Variants in PTPRS observed in about 807,000 individuals in gnomAD.
The protein encoded by PTPRS is protein tyrosine phosphatase receptor type S.
In PTPRS, 63 loss-of-function variants were observed where a neutral mutation model predicts 215.3. That is an observed-to-expected ratio of 0.29 (90% CI 0.24 to 0.36). PTPRS has a LOEUF of 0.36. PTPRS is among the 10% of genes least tolerant of loss of function. PTPRS has a pLI of 1.00. For synonymous variants in PTPRS, 1,404 were observed against 1,191.4 expected (o/e 1.18, Z -3.68); for missense variants, 2,258 against 2,825.8 (o/e 0.80, Z 4.56).
intron 11 of PTPRS, among the ~76,000 whole-genome samples, chr19:5,242,109 C>T (rs1474831972): frequency 6.6e-6 from 1 of 152,240 alleles, no homozygotes; most frequent in Non-Finnish European, 1.5e-5. Context: ...GCTGGGATTA[C>T]AGGCGTGGGC....
intron 2 of PTPRS, chr19:5,278,241 C>G (rs1054496274): frequency 2.5e-6 from 1 of 392,506 alleles, no homozygotes; most frequent in Non-Finnish European, 4.7e-6. Context: ...TTGTTTCAGA[C>G]AGGGACTCGC....
At chr19:5,207,685 C>A (rs1354070270) in intron 37 of PTPRS, among the ~76,000 whole-genome samples, 1 of 152,192 alleles carries the variant, frequency 6.6e-6, no homozygotes, top group African/African-American at 2.4e-5. Flanking sequence ...TTGGGGACTG[C>A]AATGAGCCCA....
intron 19 of PTPRS, among the ~76,000 whole-genome samples, chr19:5,221,760 A>C (rs540975967): frequency 6.6e-6 from 1 of 151,510 alleles, no homozygotes; most frequent in East Asian, 2.0e-4. Context: ...CTGAGTCCCA[A>C]TCCTGATTAT....
intron 2 of PTPRS, 35 bp downstream of exon 2, chr19:5,286,015 C>G (rs777532419): frequency 5.0e-6 from 8 of 1,587,288 alleles, no homozygotes; most frequent in Non-Finnish European, 6.9e-6. Context: ...TAAACAAACA[C>G]GCAGACCCCT....
intron 35 of PTPRS, among the ~76,000 whole-genome samples, chr19:5,208,706 C>T (rs2040596011): frequency 6.6e-6 from 1 of 152,132 alleles, no homozygotes; most frequent in Admixed American, 6.5e-5. Context: ...TACCGTCCTT[C>T]ACAATCCAAT....
At chr19:5,323,357 C>CA (rs1284846763) in intron 1 of PTPRS, among the ~76,000 whole-genome samples, 1 of 152,004 alleles carries the variant, frequency 6.6e-6, no homozygotes, top group East Asian at 1.9e-4. Flanking sequence ...AACTCCGTCT[C>CA]AAAAAAACAA....
chr19:5,266,518 C>T (rs1568518424), intron 4 of PTPRS, among the ~76,000 whole-genome samples: 1 of 151,996 alleles, frequency 6.6e-6, no homozygotes, highest in Non-Finnish European at 1.5e-5. Context: ...GTGGCATGCA[C>T]TCCACGCCCG....
intron 35 of PTPRS, among the ~76,000 whole-genome samples, chr19:5,209,040 C>T (rs1442600119): frequency 6.6e-6 from 1 of 152,112 alleles, no homozygotes; most frequent in African/African-American, 2.4e-5. Flanking sequence ...CTTCCACCAT[C>T]CAATAACAGT....
intron 1 of PTPRS, among the ~76,000 whole-genome samples, chr19:5,328,292 T>C (rs1462660694): frequency 6.6e-6 from 1 of 152,098 alleles, no homozygotes; most frequent in Non-Finnish European, 1.5e-5. Context: ...GTATTTTTAG[T>C]AGAGACTGGG....
chr19:5,326,574 G>A (rs1489002111), intron 1 of PTPRS, among the ~76,000 whole-genome samples: 2 of 151,728 alleles, frequency 1.3e-5, no homozygotes, highest in African/African-American at 2.4e-5. Flanking sequence ...TAATCCCAGC[G>A]CTTTGCGAGG....
intron 1 of PTPRS, among the ~76,000 whole-genome samples, chr19:5,302,419 T>C (rs2049329866): frequency 6.6e-6 from 1 of 151,926 alleles, no homozygotes; most frequent in South Asian, 2.2e-4. Flanking sequence ...CCAATTTACT[T>C]AAGAAACTAA....
rs1475324307 is a variant in PTPRS, at chr19:5,218,987, TATCTC to T, written c.3924-194_3924-190del. The T allele has an allele frequency of 4.5e-6, 3 of 671,536 alleles. No individual in the cohort carries two copies. The African/African-American group carries it at 5.5e-5, about 12-fold the overall frequency. The allele number at this position is 671,536 out of a possible 1,614,324, so 41.6% of individuals were successfully genotyped here. A position where few individuals can be genotyped will look rare whatever the true frequency, so the allele number is the denominator to read the frequency against. The stretch of plus-strand genomic sequence containing the variant: ...TGCCTATCGACACCACAAGGAGGCT[TATCTC>T]AGCCCTGGGATGTGCCCCATGGGGC... On this transcript the variant is annotated intron_variant, in intron 23 of 37. Coordinates refer to ENST00000262963, the MANE Select transcript of PTPRS (RefSeq NM_002850.4).
intron 1 of PTPRS, among the ~76,000 whole-genome samples, chr19:5,308,056 GGA>G: frequency 6.6e-6 from 1 of 152,138 alleles, no homozygotes; most frequent in Non-Finnish European, 1.5e-5. Context: ...AAGAGAGAGG[GGA>G]GAGGATCTGG....
rs2042835903 is a variant in PTPRS at position 5,229,543 on chromosome 19, G to A, written c.2297C>T (p.Ala766Val). ...GATGCGCGGCGGCCCGCGGGCCTCG[G>A]CGCCCTCCATGCGCACGTAGTGGAC... ...YQVHYVRMEG[A>V]EARGPPRIKD... Residue 766 changes from alanine (A) to valine (V), a missense_variant, in exon 15 of 38, where the codon GCC (alanine) becomes GTC (valine). Ala to Val is a moderately conservative substitution (Grantham distance 64, BLOSUM62 0). Transcript: ENST00000262963. The A allele has an allele frequency of 2.6e-5, 38 of 1,465,182 alleles. No homozygotes were observed. Among genetic ancestry groups the A allele is most frequent in the Non-Finnish European group, 3.3e-5 (37 of 1,110,746 alleles). 90.8% of individuals were successfully genotyped at this position (1,465,182 alleles called of 1,614,324 possible). A position where few individuals can be genotyped will look rare whatever the true frequency, so the allele number is the denominator to read the frequency against.
chr19:5,316,271 C>T (rs1169181240), intron 1 of PTPRS, among the ~76,000 whole-genome samples: 1 of 152,138 alleles, frequency 6.6e-6, no homozygotes, highest in East Asian at 1.9e-4. Flanking sequence ...TCCTGAACTA[C>T]ATACGTAAAT....
rs968865444 is a variant in PTPRS, at chr19:5,338,766, G to C, written c.-95+1898C>G. On this transcript the variant is annotated intron_variant, in intron 1 of 37. Coordinates refer to ENST00000262963, the MANE Select transcript of PTPRS (RefSeq NM_002850.4). This position sits in a 1 kb window ranked among gnomAD's most constrained non-coding sequence, Gnocchi z 4.2. ...ATGGCAGATTCGACCAAGTCCCTGGGCCATTAATAAACGCTCCAGCAGCTG... is the reference window on the plus strand; with the variant it reads ...ATGGCAGATTCGACCAAGTCCCTGGCCCATTAATAAACGCTCCAGCAGCTG... Among the ~76,000 whole-genome samples, 3 of 152,180 alleles carry C rather than the reference G, an allele frequency of 2.0e-5. No individual in the cohort carries two copies. The highest frequency in any genetic ancestry group is 4.8e-5 in the African/African-American group (2 of 41,436).
At chr19:5,317,798 G>A (rs1284738981) in intron 1 of PTPRS, among the ~76,000 whole-genome samples, 1 of 152,132 alleles carries the variant, frequency 6.6e-6, no homozygotes, top group Non-Finnish European at 1.5e-5. Context: ...CCAGCACTGA[G>A]GCTGAGACAG....
Position 5,229,508 on chromosome 19 carries a change from T to C in PTPRS, c.2332A>G (p.Met778Val). 1.4e-6 allele frequency: 2 copies of C among 1,459,270 alleles called. No homozygotes were observed. Among genetic ancestry groups the C allele is most frequent in the Non-Finnish European group, 1.8e-6 (2 of 1,108,056 alleles). The allele number at this position is 1,459,270 out of a possible 1,614,324, so 90.4% of individuals were successfully genotyped here. A position where few individuals can be genotyped will look rare whatever the true frequency, so the allele number is the denominator to read the frequency against. ...ARGPPRIKDV[M>V]LADAQWETDD... The stretch of plus-strand genomic sequence containing the variant: ...CCGCCCACCTGGGCATCGGCCAGCA[T>C]GACGTCCTTGATGCGCGGCGGCCCG... The change falls in exon 15 of 38, where the codon ATG becomes GTG. Residue 778 changes from methionine (M) to valine (V), a missense_variant. Met to Val is a conservative substitution (Grantham distance 21). Coordinates refer to ENST00000262963, the MANE Select transcript of PTPRS (RefSeq NM_002850.4).
chr19:5,263,492 A>G (rs1049995939), intron 5 of PTPRS, among the ~76,000 whole-genome samples: 3 of 152,130 alleles, frequency 2.0e-5, no homozygotes, highest in African/African-American at 7.2e-5. Context: ...GTACTGCTGC[A>G]AAGGGGGCTC....
Sources: gnomAD v4.1 joint callset for allele counts (sites outside exome capture counted in the v4.1 genomes callset) on GRCh38, gnomAD v4.1.1 for gene constraint, Gnocchi (gnomAD v3.1) non-coding constraint, MANE v1.5 for transcripts, NCBI Gene and HGNC (gene_info 2026-07-23, HGNC 2026-07-21) for gene names.